TULP4: variants seen among roughly 807,000 people sequenced by gnomAD.
TULP4 encodes TUB like protein 4.
A neutral mutation model predicts 129.0 loss-of-function variants in TULP4; 16 were observed. That is an observed-to-expected ratio of 0.12 (90% CI 0.08 to 0.19). The LOEUF (loss-of-function observed/expected upper bound fraction) is 0.19. Among genes scored for constraint, TULP4 ranks in the 10% least tolerant of loss-of-function variants. TULP4 has a pLI of 1.00. For synonymous variants in TULP4, 998 were observed against 854.0 expected (o/e 1.17, Z -2.94); for missense variants, 1,842 against 2,059.1 (o/e 0.89, Z 2.04).
intron 1 of TULP4, among the ~76,000 whole-genome samples, chr6:158,255,832 G>A (rs181486232): frequency 6.6e-6 from 1 of 152,346 alleles, no homozygotes; most frequent in East Asian, 1.9e-4. Context: ...TGCAATAGCT[G>A]TCATTCTTTC....
At chr6:158,437,387 C>T (rs551225614) in intron 3 of TULP4, among the ~76,000 whole-genome samples, 2 of 152,160 alleles carry the variant, frequency 1.3e-5, no homozygotes, top group South Asian at 2.1e-4. Context: ...TGTAGCAAGA[C>T]CCCATCTCTA....
At chr6:158,273,978 G>A (rs1345532036) in intron 1 of TULP4, among the ~76,000 whole-genome samples, 1 of 152,142 alleles carries the variant, frequency 6.6e-6, no homozygotes, top group Non-Finnish European at 1.5e-5. Flanking sequence ...CTGCCTCCCG[G>A]GCTGGGTGCA....
intron 1 of TULP4, among the ~76,000 whole-genome samples, chr6:158,344,238 C>G (rs756972459): frequency 2.6e-5 from 4 of 152,220 alleles, no homozygotes; most frequent in Non-Finnish European, 5.9e-5. Flanking sequence ...TGCCACCACC[C>G]TTTGCTGACT....
chr6:158,236,604 G>C (rs375626350), intron 1 of TULP4, among the ~76,000 whole-genome samples: 1 of 126,012 alleles, frequency 7.9e-6, no homozygotes, highest in Non-Finnish European at 1.8e-5. Flanking sequence ...GTCACCTAAG[G>C]CCTCCATAAT....
chr6:158,429,943 G>C (rs1315364890), intron 3 of TULP4, 46 bp downstream of exon 3: 1 of 1,559,952 alleles, frequency 6.4e-7, no homozygotes, highest in East Asian at 2.4e-5. Context: ...AAAACCATGA[G>C]GGCTGGGAGG....
At chr6:158,273,700 G>A (rs1027943237) in intron 1 of TULP4, among the ~76,000 whole-genome samples, 13 of 152,068 alleles carry the variant, frequency 8.5e-5, no homozygotes, top group Non-Finnish European at 8.8e-5. Context: ...ATTATGTGCC[G>A]GCACTGCCTC....
intron 4 of TULP4, among the ~76,000 whole-genome samples, chr6:158,449,807 C>T (rs1373455824): frequency 1.3e-5 from 2 of 152,072 alleles, no homozygotes; most frequent in Non-Finnish European, 2.9e-5. Flanking sequence ...CTAGCAGGTC[C>T]CCAGAATCAG....
chr6:158,496,863 AG>A (rs1780348399), intron 11 of TULP4, among the ~76,000 whole-genome samples: 1 of 152,146 alleles, frequency 6.6e-6, no homozygotes, highest in Non-Finnish European at 1.5e-5. Context: ...TGGGGGGTGC[AG>A]GGAGATAGGG....
intron 2 of TULP4, among the ~76,000 whole-genome samples, chr6:158,415,763 G>A (rs186883): frequency 0.24 from 36,595 of 151,928 alleles, 5,675 homozygotes; most frequent in Non-Finnish European, 0.35. Context: ...TGACAGCTCC[G>A]TGGATATGTT....
At chr6:158,398,454 C>G (rs1353646794) in intron 1 of TULP4, 1 of 152,268 alleles carries the variant, frequency 6.6e-6, no homozygotes, top group Non-Finnish European at 1.5e-5. Context: ...CCAGCCCTCA[C>G]CCAGTTCACT....
rs781312246 is a variant in TULP4 at position 158,502,453 on chromosome 6, T to C, written c.2790T>C (p.Thr930=). The stretch of plus-strand genomic sequence containing the variant: ...CTGCCACCTTGAGGCTCACGGCCAC[T>C]GAGAAGAAGGTCCCTCAGCCCTGCA... The part of the protein sequence containing the change: ...GSSATLRLTA[T]EKKVPQPCSS... The change falls in exon 13 of 14, where the codon ACT becomes ACC. Residue 930 remains threonine (T), a synonymous_variant. Transcript: ENST00000367097. The C allele has an allele frequency of 1.2e-6, 2 of 1,613,278 alleles. No homozygotes were observed. The highest frequency in any genetic ancestry group is 1.7e-6 in the Non-Finnish European group (2 of 1,179,854).
At chr6:158,448,384 A>T (rs1407323423) in intron 3 of TULP4, among the ~76,000 whole-genome samples, 2 of 152,256 alleles carry the variant, frequency 1.3e-5, no homozygotes, top group African/African-American at 2.4e-5. Flanking sequence ...CAAAGTAAGT[A>T]CTTAATATTT....
At chr6:158,326,492 G>A (rs141891698) in intron 1 of TULP4, among the ~76,000 whole-genome samples, 202 of 152,162 alleles carry the variant, frequency 1.3e-3, no homozygotes, top group South Asian at 3.7e-3. Flanking sequence ...TCCACGTGTC[G>A]TTTATGGAAT....
At chr6:158,356,690 G>A (rs1275663573) in intron 1 of TULP4, among the ~76,000 whole-genome samples, 3 of 152,136 alleles carry the variant, frequency 2.0e-5, no homozygotes, top group Non-Finnish European at 2.9e-5. Flanking sequence ...GGTAGAAAAA[G>A]CCAGATGGTA....
upstream of TULP4, among the ~76,000 whole-genome samples, chr6:158,280,528 A>G (rs1282326551): frequency 6.6e-6 from 1 of 152,230 alleles, no homozygotes; most frequent in African/African-American, 2.4e-5. Context: ...CAAAGGAGAA[A>G]ACTGGTCAGG....
At chr6:158,339,111 G>T (rs1447817313) in intron 1 of TULP4, among the ~76,000 whole-genome samples, 1 of 152,208 alleles carries the variant, frequency 6.6e-6, no homozygotes, top group Non-Finnish European at 1.5e-5. Flanking sequence ...TTTTCCCTAA[G>T]TGTCGGCCAG....
intron 1 of TULP4, among the ~76,000 whole-genome samples, chr6:158,296,931 G>T (rs944221380): frequency 2.0e-5 from 3 of 152,166 alleles, no homozygotes; most frequent in Non-Finnish European, 2.9e-5. Flanking sequence ...CCTGATAAGG[G>T]TCTGTGTTCA....
chr6:158,394,898 G>A (rs1777670162), intron 1 of TULP4, among the ~76,000 whole-genome samples: 1 of 151,582 alleles, frequency 6.6e-6, no homozygotes, highest in Non-Finnish European at 1.5e-5. Context: ...AAGGATGACT[G>A]GGAGGCCTCA....
At chr6:158,480,986 C>G in intron 7 of TULP4, 69 bp from the exon 8 acceptor site, 1 of 1,423,312 alleles carries the variant, frequency 7.0e-7, no homozygotes, top group Admixed American at 2.2e-5. Context: ...GCCCCCGTGC[C>G]CACTCTCTTT....
Sources: allele counts gnomAD v4.1 joint callset (sites outside exome capture counted in the v4.1 genomes callset), GRCh38; gene constraint gnomAD v4.1.1; transcripts MANE v1.5; gene names NCBI Gene and HGNC (gene_info 2026-07-23, HGNC 2026-07-21).